SNAP91: variants seen among roughly 807,000 people sequenced by gnomAD.
SNAP91 encodes the protein clathrin coat assembly protein AP180.
Under a neutral mutation model 100.3 loss-of-function variants are expected in SNAP91, and 27 were observed. That is an observed-to-expected ratio of 0.27 (90% CI 0.20 to 0.37). The LOEUF is 0.37. Among genes scored for constraint, SNAP91 ranks in the 10% least tolerant of loss-of-function variants. The pLI, the probability that SNAP91 is intolerant of heterozygous loss-of-function variation, is 1.00. For missense variants in SNAP91, 986 were observed against 1,123.7 expected (o/e 0.88, Z 1.75); for synonymous variants, 404 against 398.6 (o/e 1.01, Z -0.16).
chr6:83,560,345 T>A, intron 27 of SNAP91, 137 bp from the exon 28 acceptor site: 1 of 656,518 alleles, frequency 1.5e-6, no homozygotes, highest in Non-Finnish European at 2.7e-6. Flanking sequence ...TTTGTAATTT[T>A]AATTAGGGAT....
chr6:83,669,911 G>A (rs1224900439), intron 2 of SNAP91, among the ~76,000 whole-genome samples: 2 of 151,810 alleles, frequency 1.3e-5, no homozygotes, highest in East Asian at 1.9e-4. Flanking sequence ...AACAATTAAG[G>A]GTGATTCCAG....
intron 22 of SNAP91, among the ~76,000 whole-genome samples, chr6:83,589,788 T>C (rs2093451773): frequency 6.6e-6 from 1 of 152,174 alleles, no homozygotes; most frequent in Admixed American, 6.5e-5. Context: ...AGATTTGACC[T>C]CAACTCAAAC....
chr6:83,638,716 A>T (rs564701733), intron 8 of SNAP91, among the ~76,000 whole-genome samples: 2 of 152,306 alleles, frequency 1.3e-5, no homozygotes, highest in South Asian at 2.1e-4. Context: ...CAAAGAGACA[A>T]TTTAGGAATT....
In SNAP91 at chr6:83,593,578, A is replaced by AGCAGCT; in HGVS notation, c.1590_1595dup (p.Ala534_Ala535dup). ...CGGTGGCAGCAGTAGTGGCAGCAGC[A>AGCAGCT]GCAGCTGCAACGGCAGGAGCAGGAG... On this transcript the variant is annotated inframe_insertion, in exon 18 of 30. Transcript: ENST00000369694. 2 of 1,557,950 alleles carry AGCAGCT rather than the reference A, an allele frequency of 1.3e-6. No homozygotes were observed. The highest frequency in any genetic ancestry group is 1.7e-6 in the Non-Finnish European group (2 of 1,149,166).
At chr6:83,591,578 A>G (rs921345564) in intron 21 of SNAP91, among the ~76,000 whole-genome samples, 2 of 152,166 alleles carry the variant, frequency 1.3e-5, no homozygotes, top group African/African-American at 4.8e-5. Flanking sequence ...GTCATCTGTC[A>G]AAACAGAAGC....
intron 2 of SNAP91, among the ~76,000 whole-genome samples, chr6:83,691,696 T>C (rs1036798397): frequency 3.3e-5 from 5 of 152,126 alleles, no homozygotes; most frequent in African/African-American, 1.2e-4. Context: ...TCCATATATG[T>C]TTTTCTTTAT....
chr6:83,611,493 T>C (rs1406165514), intron 11 of SNAP91: 1 of 454,990 alleles, frequency 2.2e-6, no homozygotes, highest in Admixed American at 2.4e-5. Flanking sequence ...GAAGACTAAA[T>C]ACATTTCAAT....
intron 26 of SNAP91, among the ~76,000 whole-genome samples, chr6:83,568,061 C>T (rs897029272): frequency 4.6e-5 from 7 of 151,458 alleles, no homozygotes; most frequent in African/African-American, 1.7e-4. Flanking sequence ...TTTATTGTGG[C>T]ACTATTCACA....
chr6:83,611,203 T>TC (rs1431706450), intron 11 of SNAP91, among the ~76,000 whole-genome samples: 8 of 151,710 alleles, frequency 5.3e-5, no homozygotes, highest in African/African-American at 1.9e-4. Flanking sequence ...GAAGTCTGTT[T>TC]TCCCCCCCCA....
At chr6:83,610,710 AATATATATATATATATATATATAT>A (rs747428612) in intron 11 of SNAP91, 33 bp from the exon 12 acceptor site, 1 of 211,264 alleles carries the variant, frequency 4.7e-6, no homozygotes, top group Non-Finnish European at 9.1e-6. Flanking sequence ...ATTAAAACTG[AATATATATATATATATATATATAT>A]ATATATATAT....
At chr6:83,626,845 C>G (rs1038174606) in intron 8 of SNAP91, among the ~76,000 whole-genome samples, 2 of 151,664 alleles carry the variant, frequency 1.3e-5, no homozygotes, top group African/African-American at 4.8e-5. Flanking sequence ...ATTTGGATTC[C>G]TTTTCTTTCT....
At chr6:83,606,406 T>G (rs1459550872) in intron 13 of SNAP91, among the ~76,000 whole-genome samples, 4 of 151,458 alleles carry the variant, frequency 2.6e-5, no homozygotes, top group African/African-American at 4.9e-5. Flanking sequence ...CAGTTGAGGC[T>G]GTGCTTTTCA....
rs751196340 is a variant in SNAP91 at position 83,601,498 on chromosome 6, T to C, written c.1157-60A>G. On this transcript the variant is annotated intron_variant, in intron 15 of 29. Coordinates refer to ENST00000369694, the MANE Select transcript of SNAP91 (RefSeq NM_001242792.2). ...GAAGAAAAGCAAAGGACAAAAGATA[T>C]ACCAGACTCCAAATGATCAAAATAA... 9 of 1,610,828 alleles carry C rather than the reference T, an allele frequency of 5.6e-6. No individual in the cohort carries two copies. The East Asian group carries it at 1.1e-4, about 20-fold the overall frequency.
chr6:83,626,761 T>C (rs1562404798), intron 8 of SNAP91, among the ~76,000 whole-genome samples: 1 of 152,044 alleles, frequency 6.6e-6, no homozygotes. Flanking sequence ...AGTTTTTTGA[T>C]GGAATCTTGA....
At position 83,674,199 on chromosome 6, in the gene SNAP91, C is replaced by T. The variant is rs1160682142; in HGVS notation, c.131-8618G>A. On this transcript the variant is annotated intron_variant, in intron 2 of 29. Coordinates refer to ENST00000369694, the MANE Select transcript of SNAP91 (RefSeq NM_001242792.2). ...CAGCACTTTGCGAGGCCGAGGCGGG[C>T]GGATCACTTGAGGTCGGGAGTTTGA... Among the ~76,000 whole-genome samples the T allele has an allele frequency of 7.2e-5, 11 of 152,172 alleles. No homozygotes were observed. In the East Asian group the frequency reaches 1.9e-3, roughly 27 times the overall value.
chr6:83,709,255 G>C (rs1439094540), upstream of SNAP91: 1 of 152,210 alleles, frequency 6.6e-6, no homozygotes, highest in East Asian at 1.9e-4. Flanking sequence ...TTAAAGGCGA[G>C]GGGGCGCCTC....
chr6:83,662,707 T>C (rs1029373021), intron 3 of SNAP91, among the ~76,000 whole-genome samples: 1 of 152,136 alleles, frequency 6.6e-6, no homozygotes, highest in African/African-American at 2.4e-5. Flanking sequence ...ATCAGTATTT[T>C]CCAAAATAAA....
At chr6:83,637,275 T>A (rs947524039) in intron 8 of SNAP91, among the ~76,000 whole-genome samples, 3 of 152,200 alleles carry the variant, frequency 2.0e-5, no homozygotes, top group African/African-American at 7.2e-5. Context: ...CAGGCTGTGC[T>A]ACCCTCTCCC....
rs201794377 is a variant in SNAP91 at position 83,594,377 on chromosome 6, T to C, written c.1429A>G (p.Asn477Asp). The part of the protein sequence containing the change: ...VAAALDACSG[N>D]DPFAPSEGSA... ...TGGCTAATGACTTTAAACCCACCAT[T>C]TCCTGAACATGCATCAAGTGCTGCT... Residue 477 changes from asparagine to aspartate, a missense_variant, in exon 17 of 30, where the codon AAT (asparagine) becomes GAT (aspartate). Transcript: ENST00000369694. The C allele has an allele frequency of 5.8e-4, 899 of 1,552,526 alleles. No homozygotes were observed. The highest frequency in any genetic ancestry group is 7.6e-4 in the Non-Finnish European group (867 of 1,147,170).
Sources: gnomAD v4.1 joint callset for allele counts (sites outside exome capture counted in the v4.1 genomes callset) on GRCh38, gnomAD v4.1.1 for gene constraint, MANE v1.5 for transcripts, NCBI Gene and HGNC (gene_info 2026-07-23, HGNC 2026-07-21) for gene names.